Variants in SLCO3A1 observed in about 807,000 individuals in gnomAD.
SLCO3A1 encodes the protein PGE1 transporter.
Under a neutral mutation model 63.1 loss-of-function variants are expected in SLCO3A1, and 27 were observed. The observed-to-expected ratio is 0.43, with a 90% CI of 0.32 to 0.59. The LOEUF (loss-of-function observed/expected upper bound fraction) is 0.59, where lower values mean the gene tolerates loss of function less well. Among genes scored for constraint, SLCO3A1 ranks in the 20% least tolerant of loss-of-function variants. The pLI, the probability that SLCO3A1 is intolerant of heterozygous loss-of-function variation, is 0.09. For synonymous variants in SLCO3A1, 473 were observed against 409.9 expected (o/e 1.15, Z -1.86); for missense variants, 773 against 945.8 (o/e 0.82, Z 2.40).
chr15:92,057,100 G>C (rs1232357207), intron 2 of SLCO3A1, among the ~76,000 whole-genome samples: 2 of 152,194 alleles, frequency 1.3e-5, no homozygotes, highest in Admixed American at 1.3e-4. Flanking sequence ...CAGCTGCTCT[G>C]CTGTGCCCGT....
intron 2 of SLCO3A1, among the ~76,000 whole-genome samples, chr15:92,032,161 G>A (rs567653063): frequency 6.6e-5 from 10 of 152,292 alleles, no homozygotes; most frequent in South Asian, 4.1e-4. Context: ...AAGACTGGGG[G>A]CCAGAATGAG....
chr15:92,104,084 A>G (rs773867327), intron 3 of SLCO3A1, among the ~76,000 whole-genome samples, 195 bp from the exon 4 acceptor site: 1 of 152,242 alleles, frequency 6.6e-6, no homozygotes, highest in Non-Finnish European at 1.5e-5. Flanking sequence ...GGGGAATGTG[A>G]TCAGCCTCCG....
At chr15:92,039,166 A>T (rs191032990) in intron 2 of SLCO3A1, among the ~76,000 whole-genome samples, 1 of 152,364 alleles carries the variant, frequency 6.6e-6, no homozygotes, top group African/African-American at 2.4e-5. Context: ...GGACATAGGC[A>T]TGGGCAAAGA....
At chr15:91,930,165 T>C (rs993475225) in intron 2 of SLCO3A1, among the ~76,000 whole-genome samples, 4 of 152,168 alleles carry the variant, frequency 2.6e-5, no homozygotes, top group African/African-American at 9.7e-5. Flanking sequence ...ATTTAAAAGC[T>C]CCAGCCTCTC....
chr15:92,037,741 A>G (rs1272291870), intron 2 of SLCO3A1, among the ~76,000 whole-genome samples: 1 of 152,266 alleles, frequency 6.6e-6, no homozygotes, highest in East Asian at 1.9e-4. Context: ...TCTACAGATT[A>G]CATTGCCTTG....
intron 2 of SLCO3A1, among the ~76,000 whole-genome samples, chr15:91,922,757 C>T (rs1033380225): frequency 1.3e-5 from 2 of 152,196 alleles, no homozygotes; most frequent in African/African-American, 4.8e-5. Flanking sequence ...ATTGAAGTTT[C>T]CTTCGTTAAT....
chr15:92,145,887 G>C (rs1267130349), intron 7 of SLCO3A1, among the ~76,000 whole-genome samples: 1 of 152,114 alleles, frequency 6.6e-6, no homozygotes, highest in Admixed American at 6.5e-5. Flanking sequence ...GACTGACCCT[G>C]TTGGGTTTGG....
intron 1 of SLCO3A1, among the ~76,000 whole-genome samples, chr15:91,903,527 G>A (rs1400690084): frequency 6.6e-6 from 1 of 152,150 alleles, no homozygotes; most frequent in East Asian, 1.9e-4. Flanking sequence ...GGAGAGCAGG[G>A]GGTCTTATGG....
intron 1 of SLCO3A1, among the ~76,000 whole-genome samples, chr15:91,873,581 C>A (rs1897329530): frequency 6.6e-6 from 1 of 151,326 alleles, no homozygotes; most frequent in Non-Finnish European, 1.5e-5. Context: ...TACATACATA[C>A]TTTATTTCAG....
At chr15:91,896,288 G>C (rs1898001683) in intron 1 of SLCO3A1, among the ~76,000 whole-genome samples, 1 of 152,160 alleles carries the variant, frequency 6.6e-6, no homozygotes, top group South Asian at 2.1e-4. Flanking sequence ...TGAGGACTCA[G>C]AGTGATGGCC....
intron 2 of SLCO3A1, among the ~76,000 whole-genome samples, chr15:92,071,455 T>C (rs186274919): frequency 2.6e-5 from 4 of 152,314 alleles, no homozygotes; most frequent in Admixed American, 2.6e-4. Context: ...AAAGCTGTAG[T>C]CACTTCCCTT....
At chr15:91,926,851 G>A (rs1899049313) in intron 2 of SLCO3A1, among the ~76,000 whole-genome samples, 2 of 152,114 alleles carry the variant, frequency 1.3e-5, no homozygotes, top group South Asian at 4.1e-4. Context: ...TGTACCCTGG[G>A]AGGAAAGCTT....
At chr15:91,898,615 C>T (rs976453787) in intron 1 of SLCO3A1, among the ~76,000 whole-genome samples, 7 of 152,030 alleles carry the variant, frequency 4.6e-5, no homozygotes, top group Admixed American at 3.9e-4. Flanking sequence ...TAACATCATC[C>T]TCAGTGGGTT....
intron 3 of SLCO3A1, among the ~76,000 whole-genome samples, chr15:92,096,881 G>A (rs765916621): frequency 4.6e-5 from 7 of 152,252 alleles, no homozygotes; most frequent in Admixed American, 1.3e-4. Context: ...TTTTGCAGCC[G>A]TCGGCTGGCC....
intron 2 of SLCO3A1, among the ~76,000 whole-genome samples, chr15:91,959,758 AT>A (rs1900373226): frequency 6.6e-6 from 1 of 151,802 alleles, no homozygotes; most frequent in Non-Finnish European, 1.5e-5. Flanking sequence ...AGTATAAAAA[AT>A]ATACACAGTT....
At chr15:92,057,181 C>G (rs1156844572) in intron 2 of SLCO3A1, among the ~76,000 whole-genome samples, 1 of 152,148 alleles carries the variant, frequency 6.6e-6, no homozygotes, top group Non-Finnish European at 1.5e-5. Flanking sequence ...GTGCTGGGGC[C>G]TGATTGCCAC....
chr15:92,054,421 T>C (rs1050867726), intron 2 of SLCO3A1, among the ~76,000 whole-genome samples: 1 of 152,234 alleles, frequency 6.6e-6, no homozygotes, highest in Non-Finnish European at 1.5e-5. Context: ...AAGTCTTTTT[T>C]CACTGAAATG....
intron 2 of SLCO3A1, among the ~76,000 whole-genome samples, chr15:92,043,999 G>T (rs1349261016): frequency 6.6e-6 from 1 of 152,104 alleles, no homozygotes; most frequent in African/African-American, 2.4e-5. Context: ...TGTCTGAAAA[G>T]GAACTTTTCT....
chr15:92,108,823 GC>G (rs1319873339), intron 4 of SLCO3A1, among the ~76,000 whole-genome samples: 3 of 152,036 alleles, frequency 2.0e-5, no homozygotes, highest in South Asian at 4.1e-4. Context: ...TCCCCAGGAA[GC>G]CCCCCAAAGC....
Sources: gnomAD v4.1 joint callset for allele counts (sites outside exome capture counted in the v4.1 genomes callset) on GRCh38, gnomAD v4.1.1 for gene constraint, MANE v1.5 for transcripts, NCBI Gene and HGNC (gene_info 2026-07-23, HGNC 2026-07-21) for gene names.